The following IWS1 variants were observed in gnomAD, a reference collection of about 807,000 sequenced individuals.
The protein encoded by IWS1 is protein IWS1 homolog.
Under a neutral mutation model 86.7 loss-of-function variants are expected in IWS1, and 27 were observed. The observed-to-expected ratio is 0.31, with a 90% confidence interval of 0.23 to 0.43. IWS1 has a LOEUF of 0.43. IWS1 is among the 20% of genes least tolerant of loss of function. IWS1 has a pLI of 1.00. For missense variants in IWS1, 827 were observed against 1,000.8 expected (o/e 0.83, Z 2.34); for synonymous variants, 313 against 335.1 (o/e 0.93, Z 0.72).
intron 2 of IWS1, among the ~76,000 whole-genome samples, chr2:127,510,679 GAC>G (rs1691401719): frequency 6.6e-6 from 1 of 150,638 alleles, no homozygotes; most frequent in Non-Finnish European, 1.5e-5. Context: ...TTTTTGTAGA[GAC>G]AGTCTGTGTT....
In IWS1 at chr2:127,505,629, C is replaced by A. The variant is rs1453678751; in HGVS notation, c.274G>T (p.Asp92Tyr). ...CGTTCCTCAGATTCAGAGTCGCTGT[C>A]CTTTTGCCTGTGAAGCTCCTCACTT... ...SESEELHRQK[D>Y]SDSESEERAE... The change falls in exon 3 of 14, where the codon GAC becomes TAC. Residue 92 changes from aspartate to tyrosine, a missense_variant. Transcript: ENST00000295321. This position sits in a 1 kb window ranked among gnomAD's most constrained non-coding sequence, Gnocchi z 5.0. 12 of 1,598,992 alleles carry A rather than the reference C, an allele frequency of 7.5e-6. No individual in the cohort carries two copies. Among genetic ancestry groups the A allele is most frequent in the Non-Finnish European group, 9.4e-6 (11 of 1,171,922 alleles).
At chr2:127,483,774 T>A (rs1158696521) in intron 13 of IWS1, among the ~76,000 whole-genome samples, 1 of 151,906 alleles carries the variant, frequency 6.6e-6, no homozygotes, top group Non-Finnish European at 1.5e-5. Flanking sequence ...GGACTACAGA[T>A]GTATGCCACC....
Position 127,489,164 on chromosome 2 carries a change from A to C in IWS1, c.2216+15T>G, listed in dbSNP as rs1373943712. On this transcript the variant is annotated intron_variant, in intron 12 of 13. Coordinates refer to ENST00000295321, the MANE Select transcript of IWS1 (RefSeq NM_017969.3). The surrounding 1 kb of genome is among the most constrained non-coding windows in gnomAD (Gnocchi z 4.8). ...CTATATAGTCTAGGAAGAAAAATTA[A>C]CATTAAAACCTTACTTCTCCTCTCC... 6.3e-7 allele frequency: 1 copy of C among 1,593,862 alleles called. No individual in the cohort carries two copies. Among genetic ancestry groups the C allele is most frequent in the Non-Finnish European group, 8.6e-7 (1 of 1,163,652 alleles).
chr2:127,505,821 A>C lies in IWS1; in HGVS notation c.151-69T>G. ...AAAAACCATTAATAATAAAACATTA[A>C]ATTTTTTCTGTGATTTTTTTAAAAT... On this transcript the variant is annotated intron_variant, in intron 2 of 13. Coordinates refer to ENST00000295321, the MANE Select transcript of IWS1 (RefSeq NM_017969.3). The surrounding 1 kb of genome is among the most constrained non-coding windows in gnomAD (Gnocchi z 5.0). The C allele has an allele frequency of 9.3e-7, 1 of 1,071,538 alleles. No individual in the cohort carries two copies. Among genetic ancestry groups the C allele is most frequent in the East Asian group, 2.6e-5 (1 of 38,654 alleles). 66.4% of individuals were successfully genotyped at this position (1,071,538 alleles called of 1,614,324 possible). A position where few individuals can be genotyped will look rare whatever the true frequency, so the allele number is the denominator to read the frequency against.
intron 13 of IWS1, among the ~76,000 whole-genome samples, chr2:127,483,604 CTGTGTGTGTG>C (rs1292081664): frequency 3.8e-5 from 1 of 26,036 alleles, no homozygotes; most frequent in Non-Finnish European, 7.7e-5. Flanking sequence ...GGGGGTTGGG[CTGTGTGTGTG>C]TGTGTGTGTG....
In IWS1 at chr2:127,504,847, G is replaced by A. The variant is rs1267999627; in HGVS notation, c.1056C>T (p.Asp352=). The A allele has an allele frequency of 6.2e-7, 1 of 1,613,960 alleles. No individual in the cohort carries two copies. Among genetic ancestry groups the A allele is most frequent in the African/African-American group, 1.3e-5 (1 of 74,878 alleles). The part of the protein sequence containing the change: ...TEMQNDSFHS[D]SHMDRKKFHS... ...GAAACTTTTTTCTGTCCATATGGCT[G>A]TCTGAATGGAAGGAGTCATTCTGCA... Residue 352 remains aspartate, a synonymous_variant, in exon 3 of 14, where the codon GAC becomes GAT. Transcript: ENST00000295321.
chr2:127,501,201 CCCT>C (rs1172685866), intron 5 of IWS1, among the ~76,000 whole-genome samples: 2 of 151,994 alleles, frequency 1.3e-5, no homozygotes, highest in Non-Finnish European at 2.9e-5. Flanking sequence ...TTAATTAATT[CCCT>C]CCTTATTTCA....
At chr2:127,526,944 C>T, upstream of IWS1, 1 of 274,716 alleles carries the variant, frequency 3.6e-6, no homozygotes, top group Non-Finnish European at 7.5e-6. Context: ...CCTCCTCTCC[C>T]GGCGTCTTCC....
intron 2 of IWS1, among the ~76,000 whole-genome samples, chr2:127,518,343 C>G (rs1691888878): frequency 1.3e-5 from 2 of 152,004 alleles, no homozygotes; most frequent in South Asian, 4.1e-4. Flanking sequence ...TGGCAAAACC[C>G]CATTGCTACT....
At position 127,516,247 on chromosome 2, in the gene IWS1, T is replaced by C. The variant is rs1228147636; in HGVS notation, c.150+7429A>G. ...GGTGTATGCCTGTGGTCCCAACCAC[T>C]AAGGAGTCTGAGGCAGGAGAATCTC... On this transcript the variant is annotated intron_variant, in intron 2 of 13. Transcript: ENST00000295321. Among the ~76,000 whole-genome samples, 3 of 152,122 alleles carry C rather than the reference T, an allele frequency of 2.0e-5. No individual in the cohort carries two copies. In the East Asian group the frequency reaches 5.8e-4, roughly 29 times the overall value.
At chr2:127,518,921 C>T (rs968283226) in intron 2 of IWS1, among the ~76,000 whole-genome samples, 2 of 152,202 alleles carry the variant, frequency 1.3e-5, no homozygotes, top group East Asian at 1.9e-4. Context: ...AAACCCATGA[C>T]GAACAAAATA....
At chr2:127,512,538 A>C (rs1691527018) in intron 2 of IWS1, among the ~76,000 whole-genome samples, 1 of 152,220 alleles carries the variant, frequency 6.6e-6, no homozygotes, top group Non-Finnish European at 1.5e-5. Flanking sequence ...CACAACAATC[A>C]TTCCTGAAAT....
intron 13 of IWS1, chr2:127,484,718 C>T (rs1689832591): frequency 6.6e-6 from 1 of 152,056 alleles, no homozygotes; most frequent in Non-Finnish European, 1.5e-5. Flanking sequence ...AGAGAAGAAA[C>T]AATGAAAAAG....
chr2:127,502,667 C>A (rs1558754624), intron 5 of IWS1, 148 bp downstream of exon 5: 8 of 464,930 alleles, frequency 1.7e-5, no homozygotes, highest in Non-Finnish European at 3.1e-5. Flanking sequence ...TTTCATTTTA[C>A]TTCCTGAATC....
chr2:127,500,159 C>T (rs576580361), intron 5 of IWS1, among the ~76,000 whole-genome samples: 12 of 151,814 alleles, frequency 7.9e-5, no homozygotes, highest in South Asian at 2.1e-4. Context: ...TCCATGTTAA[C>T]GGAATGAATT....
chr2:127,504,256 T>C (rs1032142898), intron 3 of IWS1, among the ~76,000 whole-genome samples: 7 of 152,208 alleles, frequency 4.6e-5, no homozygotes, highest in Admixed American at 2.0e-4. Flanking sequence ...TATTCAACAA[T>C]GTTTAACAAA....
rs1318143617 is a variant in IWS1, at chr2:127,505,944, C to T, written c.151-192G>A. 6.6e-6 allele frequency: 3 copies of T among 457,418 alleles called. No homozygotes were observed. The highest frequency in any genetic ancestry group is 1.1e-5 in the Non-Finnish European group (3 of 261,968). The allele number at this position is 457,418 out of a possible 1,614,324, so 28.3% of individuals were successfully genotyped here. On this transcript the variant is annotated intron_variant, in intron 2 of 13. Transcript: ENST00000295321. This position sits in a 1 kb window ranked among gnomAD's most constrained non-coding sequence, Gnocchi z 5.0. The stretch of plus-strand genomic sequence containing the variant: ...TCAGTGAAATGGTTTTATTTGGATC[C>T]CCAAATGGGGAAATATAACCAGCCT...
At chr2:127,526,051 C>T (rs1368585209) in intron 1 of IWS1, 124 bp downstream of exon 1, 44 of 902,248 alleles carry the variant, frequency 4.9e-5, no homozygotes, top group Non-Finnish European at 6.7e-5. Context: ...TTGCCCTCCT[C>T]GGGCCGGGTC....
chr2:127,492,209 T>G, intron 9 of IWS1, 121 bp from the exon 10 acceptor site: 1 of 655,852 alleles, frequency 1.5e-6, no homozygotes, highest in Non-Finnish European at 2.7e-6. Context: ...TTTCAGGATC[T>G]ACAGACATAG....
Sources: gnomAD v4.1 joint callset for allele counts (sites outside exome capture counted in the v4.1 genomes callset) on GRCh38, gnomAD v4.1.1 for gene constraint, Gnocchi (gnomAD v3.1) non-coding constraint, MANE v1.5 for transcripts, NCBI Gene and HGNC (gene_info 2026-07-23, HGNC 2026-07-21) for gene names.